The following SLC2A13 variants were observed in gnomAD, a reference collection of about 807,000 sequenced individuals.
SLC2A13 encodes solute carrier family 2 member 13, also known as proton myo-inositol cotransporter.
Under a neutral mutation model 64.4 loss-of-function variants are expected in SLC2A13, and 32 were observed. The observed-to-expected ratio is 0.50, with a 90% CI of 0.37 to 0.67. The LOEUF (loss-of-function observed/expected upper bound fraction) is 0.67, where lower values mean the gene tolerates loss of function less well. Ranked by LOEUF, SLC2A13 falls within the 30% of genes least tolerant of loss-of-function variation. The pLI is 0.00. For missense variants in SLC2A13, 743 were observed against 829.2 expected (o/e 0.90, Z 1.28); for synonymous variants, 338 against 327.1 (o/e 1.03, Z -0.36).
chr12:40,087,453 T>A (rs1436029147), intron 1 of SLC2A13, among the ~76,000 whole-genome samples: 1 of 152,162 alleles, frequency 6.6e-6, no homozygotes, highest in Non-Finnish European at 1.5e-5. Context: ...ATGAAAAAAC[T>A]GAGTTTTTAA....
intron 3 of SLC2A13, among the ~76,000 whole-genome samples, chr12:39,996,444 G>C: frequency 6.6e-6 from 1 of 152,228 alleles, no homozygotes; most frequent in East Asian, 1.9e-4. Context: ...GCCAGCTGCA[G>C]AAATTTGCAT....
intron 1 of SLC2A13, among the ~76,000 whole-genome samples, chr12:40,078,659 AGAG>A (rs1362499532): frequency 1.3e-5 from 2 of 152,184 alleles, no homozygotes; most frequent in East Asian, 3.8e-4. Flanking sequence ...AATGAGTCAG[AGAG>A]GAGTCCCTCT....
At chr12:39,951,436 G>T in intron 3 of SLC2A13, 71 bp from the exon 4 acceptor site, 1 of 1,248,476 alleles carries the variant, frequency 8.0e-7, no homozygotes, top group Non-Finnish European at 1.1e-6. Context: ...ATTCCCAATA[G>T]GACAAATTTT....
At chr12:39,821,120 T>C (rs1359551176) in intron 7 of SLC2A13, among the ~76,000 whole-genome samples, 1 of 152,114 alleles carries the variant, frequency 6.6e-6, no homozygotes, top group Non-Finnish European at 1.5e-5. Flanking sequence ...GTTCCTTTTA[T>C]AACTCAAAAA....
chr12:39,930,143 A>C (rs1945799416), intron 4 of SLC2A13, among the ~76,000 whole-genome samples: 1 of 151,892 alleles, frequency 6.6e-6, no homozygotes, highest in Non-Finnish European at 1.5e-5. Flanking sequence ...AAAAAAAAAA[A>C]AACCAAAAAA....
At chr12:39,771,088 T>G (rs1940551386) in intron 7 of SLC2A13, among the ~76,000 whole-genome samples, 1 of 152,116 alleles carries the variant, frequency 6.6e-6, no homozygotes, top group Admixed American at 6.5e-5. Context: ...TAGACATAAT[T>G]TCTTGAATCT....
At chr12:39,893,279 A>G (rs1415943643) in intron 4 of SLC2A13, among the ~76,000 whole-genome samples, 1 of 152,184 alleles carries the variant, frequency 6.6e-6, no homozygotes, top group Non-Finnish European at 1.5e-5. Flanking sequence ...AGAAAACAAA[A>G]CATTCCTTTA....
Position 40,038,202 on chromosome 12 carries a change from AT to A in SLC2A13, c.717-9694del, listed in dbSNP as rs536332056. On this transcript the variant is annotated intron_variant, in intron 2 of 9. Coordinates refer to ENST00000280871, the MANE Select transcript of SLC2A13 (RefSeq NM_052885.4). ...TTTTAATATATTGTATTTTCTTTCC[AT>A]TCAAAGCTATTTTCCAATTTTCCTT... is the stretch of plus-strand genomic sequence containing the variant. Among the ~76,000 whole-genome samples, 102 of 152,166 alleles carry A rather than the reference AT, an allele frequency of 6.7e-4. 1 individual carries two copies. The South Asian group carries it at 0.021, about 31-fold the overall frequency.
chr12:39,838,927 G>A (rs1463439924), intron 6 of SLC2A13, among the ~76,000 whole-genome samples: 1 of 152,088 alleles, frequency 6.6e-6, no homozygotes, highest in Non-Finnish European at 1.5e-5. Context: ...CCTGTCTCTA[G>A]AATGCCCTAA....
chr12:40,081,642 G>A (rs1938405912), intron 1 of SLC2A13, among the ~76,000 whole-genome samples: 1 of 152,024 alleles, frequency 6.6e-6, no homozygotes, highest in Admixed American at 6.5e-5. Flanking sequence ...AAATCTGGAC[G>A]ACCTTATTTG....
At chr12:39,850,144 C>T (rs1358355100) in intron 6 of SLC2A13, among the ~76,000 whole-genome samples, 1 of 152,062 alleles carries the variant, frequency 6.6e-6, no homozygotes, top group Non-Finnish European at 1.5e-5. Context: ...CCTTGGGAAG[C>T]CTTCCACAAT....
chr12:40,013,153 C>T (rs1947559894), intron 3 of SLC2A13, among the ~76,000 whole-genome samples: 1 of 151,380 alleles, frequency 6.6e-6, no homozygotes, highest in African/African-American at 2.4e-5. Flanking sequence ...ATAGTCAAAT[C>T]ATCAAGTGGT....
intron 3 of SLC2A13, among the ~76,000 whole-genome samples, chr12:39,965,434 A>C (rs2136120719): frequency 6.6e-6 from 1 of 152,318 alleles, no homozygotes; most frequent in African/African-American, 2.4e-5. Context: ...TGAAGAGTAC[A>C]AAATGAGATA....
chr12:40,011,591 T>A (rs1947533225), intron 3 of SLC2A13, among the ~76,000 whole-genome samples: 1 of 152,174 alleles, frequency 6.6e-6, no homozygotes, highest in Non-Finnish European at 1.5e-5. Context: ...AATGATCCTG[T>A]CACCCAAATA....
At chr12:39,997,852 T>C (rs1374887207) in intron 3 of SLC2A13, among the ~76,000 whole-genome samples, 1 of 151,816 alleles carries the variant, frequency 6.6e-6, no homozygotes, top group Non-Finnish European at 1.5e-5. Flanking sequence ...ATTGCCATAA[T>C]CAAAAAATTA....
At chr12:39,984,419 A>G (rs963822398) in intron 3 of SLC2A13, among the ~76,000 whole-genome samples, 3 of 152,188 alleles carry the variant, frequency 2.0e-5, no homozygotes, top group African/African-American at 7.2e-5. Context: ...AGACGGAAAT[A>G]AAAATAACTT....
chr12:39,986,452 A>G (rs1445885758), intron 3 of SLC2A13, among the ~76,000 whole-genome samples: 1 of 152,108 alleles, frequency 6.6e-6, no homozygotes, highest in East Asian at 1.9e-4. Context: ...CTATGGAGGA[A>G]GGACCAATGT....
chr12:40,044,369 C>T (rs766484591), intron 2 of SLC2A13, among the ~76,000 whole-genome samples: 8 of 151,906 alleles, frequency 5.3e-5, no homozygotes, highest in Non-Finnish European at 1.2e-4. Flanking sequence ...TTTAGGGTGA[C>T]GAAAATGTTC....
intron 5 of SLC2A13, among the ~76,000 whole-genome samples, chr12:39,868,261 T>C (rs927567949): frequency 1.3e-5 from 2 of 152,228 alleles, no homozygotes; most frequent in Admixed American, 6.5e-5. Flanking sequence ...TATTAGATTT[T>C]GGAATTTTGA....
Sources: gnomAD v4.1 joint callset for allele counts (sites outside exome capture counted in the v4.1 genomes callset) on GRCh38, gnomAD v4.1.1 for gene constraint, MANE v1.5 for transcripts, NCBI Gene and HGNC (gene_info 2026-07-23, HGNC 2026-07-21) for gene names.